Variants in PPP1R42 observed in about 807,000 individuals in gnomAD.
PPP1R42 encodes the protein protein phosphatase 1 regulatory subunit 42, also known as leucine rich repeat containing 67.
PPP1R42 carries 34 observed loss-of-function variants against 31.0 expected under a neutral mutation model. The observed-to-expected ratio is 1.10, with a 90% CI of 0.83 to 1.46. The LOEUF (loss-of-function observed/expected upper bound fraction) is 1.46, where lower values mean the gene tolerates loss of function less well. Ranked by LOEUF, PPP1R42 falls within the 40% of genes most tolerant of loss-of-function variation. PPP1R42 has a pLI of 0.00. For synonymous variants in PPP1R42, 103 were observed against 109.8 expected (o/e 0.94, Z 0.39); for missense variants, 268 against 303.0 (o/e 0.88, Z 0.86).
intron 5 of PPP1R42, among the ~76,000 whole-genome samples, chr8:67,004,089 C>CA (rs773648040): frequency 0.16 from 16,294 of 102,368 alleles, 1,047 homozygotes; most frequent in African/African-American, 0.26. Context: ...GACTCCGTCT[C>CA]AAAAAAAAAA....
At chr8:66,987,296 T>A (rs1207309263) in intron 6 of PPP1R42, among the ~76,000 whole-genome samples, 3 of 147,128 alleles carry the variant, frequency 2.0e-5, no homozygotes, top group Admixed American at 1.3e-4. Context: ...TCTTTTTTTT[T>A]TTTTTTTTTT....
chr8:66,993,314 C>G (rs1167356054), intron 5 of PPP1R42, among the ~76,000 whole-genome samples: 1 of 152,198 alleles, frequency 6.6e-6, no homozygotes, highest in Admixed American at 6.5e-5. Context: ...CAGATCTTTT[C>G]AAACCGCTAA....
rs893550486 is a variant in PPP1R42 at position 67,014,476 on chromosome 8, A to G, written c.246T>C (p.Asn82=). The G allele has an allele frequency of 3.0e-5, 48 of 1,589,256 alleles. No homozygotes were observed. Among genetic ancestry groups the G allele is most frequent in the Non-Finnish European group, 3.9e-5 (46 of 1,168,158 alleles). The change falls in exon 3 of 8, where the codon AAT becomes AAC. Residue 82 remains asparagine, a synonymous_variant. Coordinates refer to ENST00000685739, the MANE Select transcript of PPP1R42 (RefSeq NM_001364910.1). Reference sequence around the variant, plus strand: ...TGAGGTTCTCTATACATGAAATACAATTGTTTTGTAGGTACAAGTGGGTCA... The same window carrying G: ...TGAGGTTCTCTATACATGAAATACAGTTGTTTTGTAGGTACAAGTGGGTCA... ...TNLTHLYLQN[N]CISCIENLRS... is the part of the protein sequence containing the mutation.
chr8:67,019,288 C>T (rs1369397274), intron 1 of PPP1R42, among the ~76,000 whole-genome samples: 5 of 136,358 alleles, frequency 3.7e-5, no homozygotes, highest in African/African-American at 5.7e-5. Context: ...GTCACCCAGG[C>T]TGGAGTGCAG....
At chr8:67,025,376 T>G (rs1342409686) in intron 1 of PPP1R42, among the ~76,000 whole-genome samples, 1 of 151,442 alleles carries the variant, frequency 6.6e-6, no homozygotes, top group Non-Finnish European at 1.5e-5. Context: ...CTTTTCAAAG[T>G]GCTGGGATTA....
intron 4 of PPP1R42, among the ~76,000 whole-genome samples, chr8:67,011,807 G>A (rs1431328047): frequency 1.3e-5 from 2 of 152,074 alleles, no homozygotes; most frequent in Non-Finnish European, 2.9e-5. Context: ...ATCAAGTGTA[G>A]TATCTGTTCT....
At chr8:67,018,929 A>G (rs1251010372) in intron 1 of PPP1R42, among the ~76,000 whole-genome samples, 1 of 148,710 alleles carries the variant, frequency 6.7e-6, no homozygotes, top group Non-Finnish European at 1.5e-5. Flanking sequence ...TCCCTGGTTA[A>G]AGCAATTCAC....
intron 7 of PPP1R42, among the ~76,000 whole-genome samples, chr8:66,965,097 G>T (rs1814343195): frequency 2.0e-5 from 3 of 152,092 alleles, no homozygotes; most frequent in Non-Finnish European, 4.4e-5. Context: ...GATCCATGTT[G>T]TTGAGTGTAT....
At chr8:66,987,251 C>T (rs1001398818) in intron 6 of PPP1R42, among the ~76,000 whole-genome samples, 9 of 150,666 alleles carry the variant, frequency 6.0e-5, no homozygotes, top group African/African-American at 2.0e-4. Flanking sequence ...ACTATGCCTC[C>T]GTTAACCTGT....
chr8:67,012,863 T>C (rs1466967915), intron 4 of PPP1R42, 95 bp downstream of exon 4: 12 of 1,170,922 alleles, frequency 1.0e-5, no homozygotes, highest in Middle Eastern at 2.1e-4. Context: ...ATGAAGAGGA[T>C]GTACAATGTC....
At chr8:66,986,678 T>A (rs767977935) in intron 6 of PPP1R42, among the ~76,000 whole-genome samples, 16 of 152,232 alleles carry the variant, frequency 1.1e-4, no homozygotes, top group Non-Finnish European at 1.9e-4. Context: ...GTCTTTAACT[T>A]CCTGAAGCGG....
intron 1 of PPP1R42, among the ~76,000 whole-genome samples, chr8:67,021,959 T>C (rs1816233354): frequency 7.0e-6 from 1 of 142,208 alleles, no homozygotes; most frequent in Admixed American, 6.7e-5. Flanking sequence ...TTTGAGTATT[T>C]CTTTTTTTTC....
intron 5 of PPP1R42, 159 bp downstream of exon 5, chr8:67,010,556 T>C: frequency 1.7e-6 from 1 of 605,656 alleles, no homozygotes. Flanking sequence ...GACAGAATTA[T>C]ACACATAAAT....
Position 67,014,427 on chromosome 8 carries a change from G to T in PPP1R42, c.295C>A (p.Leu99Met). 1 of 1,480,022 alleles carries T rather than the reference G, an allele frequency of 6.8e-7. No homozygotes were observed. The highest frequency in any genetic ancestry group is 9.0e-7 in the Non-Finnish European group (1 of 1,109,262). 91.7% of individuals were successfully genotyped at this position (1,480,022 alleles called of 1,614,324 possible). The change falls in exon 3 of 8, where the codon CTG (leucine) becomes ATG (methionine). Residue 99 changes from leucine (L) to methionine (M), a missense_variant and splice_region_variant. Transcript: ENST00000685739. The stretch of plus-strand genomic sequence containing the variant: ...TTATTAAAAAATAAAAGCACTTACA[G>T]TTTTTCCAGTTTCTTTAATGACCTG... ...NLRSLKKLEK[L>M]YLGGNYIAVI...
chr8:66,990,851 C>T (rs1815169287), intron 5 of PPP1R42, among the ~76,000 whole-genome samples: 1 of 152,130 alleles, frequency 6.6e-6, no homozygotes, highest in Admixed American at 6.5e-5. Flanking sequence ...CTCAACTGTG[C>T]AATGAATAAA....
At chr8:66,984,084 G>A (rs1354469262) in intron 6 of PPP1R42, 17 of 1,511,588 alleles carry the variant, frequency 1.1e-5, no homozygotes, top group African/African-American at 1.4e-5. Flanking sequence ...TAAGTGAGAG[G>A]ACAGAAGAGA....
chr8:67,008,473 C>T (rs1243559825), intron 5 of PPP1R42, among the ~76,000 whole-genome samples: 3 of 151,696 alleles, frequency 2.0e-5, no homozygotes, highest in Non-Finnish European at 4.4e-5. Flanking sequence ...TTTGGGAGGC[C>T]GAGGCAGGTG....
At chr8:66,981,890 T>C (rs906286769) in intron 7 of PPP1R42, 159 bp downstream of exon 7, 13 of 662,104 alleles carry the variant, frequency 2.0e-5, no homozygotes, top group Non-Finnish European at 2.6e-5. Context: ...AGACAAATTG[T>C]ACTTATGTAC....
intron 5 of PPP1R42, 119 bp from the exon 6 acceptor site, chr8:66,988,636 G>T: frequency 2.3e-6 from 2 of 860,760 alleles, no homozygotes; most frequent in Non-Finnish European, 3.4e-6. Flanking sequence ...CTCAGAGCCA[G>T]GTACTTAGAA....
Sources: allele counts gnomAD v4.1 joint callset (sites outside exome capture counted in the v4.1 genomes callset), GRCh38; gene constraint gnomAD v4.1.1; transcripts MANE v1.5; gene names NCBI Gene and HGNC (gene_info 2026-07-23, HGNC 2026-07-21).